OSER1: variants seen among roughly 807,000 people sequenced by gnomAD.
OSER1 encodes oxidative stress responsive serine rich 1, also known as oxidative stress-responsive serine-rich protein 1.
Under a neutral mutation model 26.3 loss-of-function variants are expected in OSER1, and 15 were observed. The observed-to-expected ratio is 0.57, with a 90% CI of 0.38 to 0.88. The LOEUF (loss-of-function observed/expected upper bound fraction) is 0.88, where lower values mean the gene tolerates loss of function less well. Ranked by LOEUF, OSER1 falls within the 40% of genes least tolerant of loss-of-function variation. The probability of loss-of-function intolerance (pLI) is 0.00; values close to 1 mark genes in which losing one functional copy is unlikely to be tolerated. For synonymous variants in OSER1, 127 were observed against 128.2 expected (o/e 0.99, Z 0.07); for missense variants, 313 against 353.9 (o/e 0.88, Z 0.93).
chr20:44,206,914 G>A lies in OSER1; in HGVS notation c.44C>T (p.Thr15Ile), dbSNP rs1287620364. 6.3e-7 allele frequency: 1 copy of A among 1,578,980 alleles called. No homozygotes were observed. The highest frequency in any genetic ancestry group is 1.3e-5 in the African/African-American group (1 of 74,254). Residue 15 changes from threonine (T) to isoleucine (I), a missense_variant, in exon 2 of 4, where the codon ACT becomes ATT. Thr to Ile is a moderately conservative substitution (Grantham distance 89, BLOSUM62 -1). Coordinates refer to ENST00000255174, the MANE Select transcript of OSER1 (RefSeq NM_016470.8). ...ATCCACTCTTAATTTTTTGAAAGCA[G>A]TCTGTAGACTCTCCTCCTCTCCATC... is the stretch of plus-strand genomic sequence containing the variant. ...AKDGEEESLQ[T>I]AFKKLRVDAS...
At chr20:44,207,614 G>A (rs563645508) in intron 1 of OSER1, 3 of 152,150 alleles carry the variant, frequency 2.0e-5, no homozygotes, top group African/African-American at 7.2e-5. Context: ...GTAATTAATT[G>A]TTAAACAAGA....
rs907867807 is a variant in OSER1, at chr20:44,197,636, C to T, written c.295G>A (p.Ala99Thr). Residue 99 changes from alanine (A) to threonine (T), a missense_variant, in exon 4 of 4, where the codon GCG (alanine) becomes ACG (threonine). Transcript: ENST00000255174. ...PPKFIHCSTI[A>T]SSSSSQLKHK... is the part of the protein sequence containing the mutation. ...TTGAGTTGACTGCTGGAAGAAGACG[C>T]TATTGTACTGCAATGTATAAACTTT... is the stretch of plus-strand genomic sequence containing the variant. 1.9e-6 allele frequency: 3 copies of T among 1,614,054 alleles called. No individual in the cohort carries two copies. Among genetic ancestry groups the T allele is most frequent in the Non-Finnish European group, 2.5e-6 (3 of 1,179,906 alleles).
chr20:44,205,322 T>C (rs2073027083), intron 2 of OSER1, among the ~76,000 whole-genome samples: 1 of 152,184 alleles, frequency 6.6e-6, no homozygotes, highest in African/African-American at 2.4e-5. Context: ...GCAGCCACAA[T>C]CTGGAACTCT....
At chr20:44,210,822 T>A (rs1221653054), upstream of OSER1, 1 of 152,478 alleles carries the variant, frequency 6.6e-6, no homozygotes, top group African/African-American at 2.4e-5. Context: ...GGGAGTCGCG[T>A]TGCGCCTGCG....
At chr20:44,203,694 T>A (rs896249886) in intron 2 of OSER1, among the ~76,000 whole-genome samples, 35 of 145,362 alleles carry the variant, frequency 2.4e-4, no homozygotes, top group Non-Finnish European at 4.2e-4. Context: ...CAGACTTTTT[T>A]CACACACACA....
chr20:44,197,218 G>C lies in OSER1; in HGVS notation c.713C>G (p.Ser238Cys). The C allele has an allele frequency of 1.2e-6, 2 of 1,614,256 alleles. No homozygotes were observed. Among genetic ancestry groups the C allele is most frequent in the Non-Finnish European group, 1.7e-6 (2 of 1,180,028 alleles). Residue 238 changes from serine to cysteine, a missense_variant, in exon 4 of 4, where the codon TCT becomes TGT. This residue lies in a region of OSER1 where 300 missense variants were observed against 318.3 expected (regional missense o/e 0.94). Transcript: ENST00000255174. ...CAGAGTTCTGGCGTGCAGCGACTGAGAGTAGTCCTCAAGTGTGGATCTTCG... is the reference window on the plus strand; with the variant it reads ...CAGAGTTCTGGCGTGCAGCGACTGACAGTAGTCCTCAAGTGTGGATCTTCG... ...PERRSTLEDY[S>C]QSLHARTLSG...
At chr20:44,206,811 T>C (rs2073042479) in intron 2 of OSER1, 70 bp downstream of exon 2, 1 of 693,478 alleles carries the variant, frequency 1.4e-6, no homozygotes, top group Admixed American at 2.3e-5. Context: ...GGAAGAGCTT[T>C]TTAGGGAAAA....
intron 2 of OSER1, among the ~76,000 whole-genome samples, chr20:44,205,871 C>T (rs1207468600): frequency 1.4e-5 from 2 of 138,188 alleles, no homozygotes; most frequent in Non-Finnish European, 3.0e-5. Flanking sequence ...ACCCGGGAGG[C>T]GGAGCTTGCA....
Position 44,197,739 on chromosome 20 carries a change from C to G in OSER1, c.192G>C (p.Gly64=), listed in dbSNP as rs11274. 3.9e-5 allele frequency: 63 copies of G among 1,597,686 alleles called. 1 individual carries two copies. The South Asian group carries it at 6.4e-4, about 16-fold the overall frequency. The part of the protein sequence containing the change: ...TTCASKDSWH[G]STRKSSRGAV... ...CTCCTCGTGAAGACTTCCTTGTAGA[C>G]CTAAAGAGGAAAAAAAATATACAAG... Residue 64 remains glycine (G), a splice_region_variant and synonymous_variant, in exon 4 of 4, where the codon GGG becomes GGC. Transcript: ENST00000255174.
chr20:44,204,522 T>C (rs1310652421), intron 2 of OSER1, among the ~76,000 whole-genome samples: 2 of 152,108 alleles, frequency 1.3e-5, no homozygotes, highest in Non-Finnish European at 1.5e-5. Flanking sequence ...AAATATATAA[T>C]TTTTTTTCAT....
chr20:44,196,312 A>C lies in OSER1; in HGVS notation c.*740T>G, dbSNP rs1012956351. On this transcript the variant is annotated 3_prime_UTR_variant, in exon 4 of 4. Transcript: ENST00000255174. ...CTGATAACAAAAAAAAAAAAAAAAA[A>C]CCGCCATATATTTAAAATGCTGGAG... 3.3e-4 allele frequency among the ~76,000 whole-genome samples: 28 copies of C among 83,662 alleles called. No individual in the cohort carries two copies. Among genetic ancestry groups the C allele is most frequent in the African/African-American group, 2.5e-3 (24 of 9,716 alleles). 54.9% of individuals were successfully genotyped at this position (83,662 alleles called of 152,430 possible).
chr20:44,206,627 T>C (rs183411511), intron 2 of OSER1, among the ~76,000 whole-genome samples: 63 of 152,262 alleles, frequency 4.1e-4, no homozygotes, highest in African/African-American at 1.4e-3. Context: ...GGGGAAGCCC[T>C]CCTCAAAGTG....
intron 2 of OSER1, among the ~76,000 whole-genome samples, chr20:44,206,034 T>C (rs996042756): frequency 7.2e-5 from 11 of 152,120 alleles, no homozygotes; most frequent in African/African-American, 2.7e-4. Flanking sequence ...AATGTGACTT[T>C]TAGCAAGTAA....
intron 1 of OSER1, among the ~76,000 whole-genome samples, chr20:44,208,499 C>T (rs1271378023): frequency 6.6e-6 from 1 of 151,446 alleles, no homozygotes. Context: ...ACATTCTCGA[C>T]GTATATTTTG....
chr20:44,201,097 C>T (rs2072977526), intron 3 of OSER1, among the ~76,000 whole-genome samples: 1 of 152,180 alleles, frequency 6.6e-6, no homozygotes, highest in South Asian at 2.1e-4. Context: ...TGAAAATACC[C>T]CTTCCACCAA....
rs765441301 is a variant in OSER1 at position 44,197,569 on chromosome 20, A to C, written c.362T>G (p.Leu121Arg). ...GAACTCTTTAGGGGATGAAATTCCC[A>C]GCCCACTGCTGCCATCAGGTGAGTC... ...QTDSPDGSSGLGISSPKEFSA... is the reference protein window; with the variant it reads ...QTDSPDGSSGRGISSPKEFSA... The change falls in exon 4 of 4, where the codon CTG becomes CGG. Residue 121 changes from leucine to arginine, a missense_variant. Leu to Arg is a moderately radical substitution (Grantham distance 102). Transcript: ENST00000255174. The C allele has an allele frequency of 1.2e-6, 2 of 1,614,172 alleles. No homozygotes were observed. Among genetic ancestry groups the C allele is most frequent in the Non-Finnish European group, 1.7e-6 (2 of 1,180,016 alleles).
At chr20:44,204,419 T>C (rs1180304244) in intron 2 of OSER1, among the ~76,000 whole-genome samples, 2 of 152,236 alleles carry the variant, frequency 1.3e-5, no homozygotes, top group Non-Finnish European at 2.9e-5. Context: ...CTTATTTCAT[T>C]TTCTCAAATA....
chr20:44,208,422 T>A (rs866286153), intron 1 of OSER1, among the ~76,000 whole-genome samples: 22 of 131,380 alleles, frequency 1.7e-4, no homozygotes, highest in African/African-American at 2.6e-4. Flanking sequence ...ATTCAGCTAC[T>A]AAAAAAAAAA....
At chr20:44,205,408 T>C (rs1423483464) in intron 2 of OSER1, among the ~76,000 whole-genome samples, 1 of 152,248 alleles carries the variant, frequency 6.6e-6, no homozygotes, top group South Asian at 2.1e-4. Context: ...TTGACCATAT[T>C]AGAAAACCAT....
Sources: gnomAD v4.1 joint callset for allele counts (sites outside exome capture counted in the v4.1 genomes callset) on GRCh38, gnomAD v4.1.1 for gene constraint, gnomAD v4.1.1 regional missense constraint, MANE v1.5 for transcripts, NCBI Gene and HGNC (gene_info 2026-07-23, HGNC 2026-07-21) for gene names.